The following ROBO2 variants were observed in gnomAD, a reference collection of about 807,000 sequenced individuals.
ROBO2 encodes the protein roundabout guidance receptor 2.
A neutral mutation model predicts 160.8 loss-of-function variants in ROBO2; 53 were observed. The observed-to-expected ratio is 0.33, with a 90% CI of 0.26 to 0.41. The LOEUF (loss-of-function observed/expected upper bound fraction) is 0.41, where lower values mean the gene tolerates loss of function less well. Among genes scored for constraint, ROBO2 ranks in the 10% least tolerant of loss-of-function variants. ROBO2 has a pLI of 1.00. For missense variants in ROBO2, 1,577 were observed against 1,722.4 expected (o/e 0.92, Z 1.49); for synonymous variants, 664 against 611.7 (o/e 1.09, Z -1.26).
At chr3:77,549,648 A>G (rs1347695881) in intron 7 of ROBO2, among the ~76,000 whole-genome samples, 2 of 151,980 alleles carry the variant, frequency 1.3e-5, no homozygotes, top group African/African-American at 4.8e-5. Context: ...CAATAAAGAG[A>G]AGAGCTTCTA....
At chr3:76,332,533 C>T (rs917216307) in intron 2 of ROBO2, among the ~76,000 whole-genome samples, 2 of 152,130 alleles carry the variant, frequency 1.3e-5, no homozygotes, top group African/African-American at 4.8e-5. Context: ...CATTTAGTCC[C>T]TCTGGGATTT....
At chr3:76,306,022 G>C (rs1047323976) in intron 2 of ROBO2, among the ~76,000 whole-genome samples, 17 of 152,114 alleles carry the variant, frequency 1.1e-4, no homozygotes, top group Non-Finnish European at 1.9e-4. Flanking sequence ...CACAAGACAT[G>C]TGAGTTGCAC....
intron 2 of ROBO2, among the ~76,000 whole-genome samples, chr3:76,413,865 C>G (rs1559907983): frequency 6.6e-6 from 1 of 152,178 alleles, no homozygotes; most frequent in Non-Finnish European, 1.5e-5. Flanking sequence ...ATGCCCCACT[C>G]TACTGGTACC....
intron 2 of ROBO2, among the ~76,000 whole-genome samples, chr3:76,227,932 A>G (rs2107454617): frequency 6.6e-6 from 1 of 152,328 alleles, no homozygotes; most frequent in Non-Finnish European, 1.5e-5. Flanking sequence ...ATTTCGTTTA[A>G]AGATATGATC....
chr3:77,264,529 G>T (rs905716553), intron 2 of ROBO2, among the ~76,000 whole-genome samples: 2 of 143,634 alleles, frequency 1.4e-5, no homozygotes, highest in Middle Eastern at 3.7e-3. Context: ...AACTGTACAT[G>T]TTCATAATGT....
At chr3:77,196,877 C>A (rs2082354197) in intron 2 of ROBO2, among the ~76,000 whole-genome samples, 1 of 151,084 alleles carries the variant, frequency 6.6e-6, no homozygotes, top group Admixed American at 6.6e-5. Flanking sequence ...TGGAAAATTT[C>A]ACTTATATAT....
intron 2 of ROBO2, among the ~76,000 whole-genome samples, chr3:77,032,763 C>T (rs1345362783): frequency 6.6e-6 from 1 of 152,064 alleles, no homozygotes; most frequent in Non-Finnish European, 1.5e-5. Flanking sequence ...TCCGATGGCT[C>T]AGTGTTTTCT....
At chr3:76,337,691 G>A (rs1338475571) in intron 2 of ROBO2, among the ~76,000 whole-genome samples, 3 of 152,116 alleles carry the variant, frequency 2.0e-5, no homozygotes, top group Admixed American at 2.0e-4. Context: ...AGGTGTGAAA[G>A]AAAATCTGAT....
At chr3:76,314,407 T>C (rs145931368) in intron 2 of ROBO2, among the ~76,000 whole-genome samples, 80 of 152,178 alleles carry the variant, frequency 5.3e-4, no homozygotes, top group African/African-American at 1.9e-3. Context: ...ATGTTCAATA[T>C]ATACAACAAA....
intron 6 of ROBO2, among the ~76,000 whole-genome samples, chr3:77,543,521 G>T (rs1188476456): frequency 1.3e-5 from 2 of 152,028 alleles, no homozygotes; most frequent in Non-Finnish European, 2.9e-5. Flanking sequence ...AAAGCATTTT[G>T]CAAAATCACT....
chr3:77,433,486 GTATA>G (rs57475227), intron 2 of ROBO2, among the ~76,000 whole-genome samples: 23,225 of 98,940 alleles, frequency 0.23, 3,231 homozygotes, highest in East Asian at 0.41. Flanking sequence ...CTGGCAACTT[GTATA>G]TATATATATA....
At chr3:76,396,034 G>C (rs1261651964) in intron 2 of ROBO2, among the ~76,000 whole-genome samples, 1 of 152,062 alleles carries the variant, frequency 6.6e-6, no homozygotes, top group African/African-American at 2.4e-5. Context: ...GAGAATTTTA[G>C]ACCAATAACC....
At chr3:75,950,722 C>T (rs1186715982) in intron 2 of ROBO2, among the ~76,000 whole-genome samples, 5 of 152,016 alleles carry the variant, frequency 3.3e-5, no homozygotes, top group Non-Finnish European at 7.4e-5. Flanking sequence ...CATGGATATT[C>T]TCTGGATGCT....
At chr3:77,435,349 T>C (rs1398262677) in intron 2 of ROBO2, among the ~76,000 whole-genome samples, 2 of 152,018 alleles carry the variant, frequency 1.3e-5, no homozygotes, top group East Asian at 3.8e-4. Context: ...GTATTTTATT[T>C]CATATCATAT....
intron 2 of ROBO2, among the ~76,000 whole-genome samples, chr3:76,206,804 A>G (rs1009952001): frequency 1.3e-5 from 2 of 152,120 alleles, no homozygotes; most frequent in African/African-American, 4.8e-5. Context: ...AGATTGTGAG[A>G]ATAGAGGGTA....
intron 1 of ROBO2, among the ~76,000 whole-genome samples, chr3:75,923,987 G>A (rs1947176376): frequency 6.6e-6 from 1 of 152,062 alleles, no homozygotes; most frequent in African/African-American, 2.4e-5. Flanking sequence ...AAATTTATCT[G>A]GAATATACCA....
chr3:76,038,798 G>GTA lies in ROBO2; in HGVS notation c.109+101197_109+101198insAT, dbSNP rs1559857673. ...TGTGTGTGTGTGTGTGTGTATGTATGTGTGTGTGTGTGTGTGTTTAAAGAG... is the reference window on the plus strand; with the variant it reads ...TGTGTGTGTGTGTGTGTGTATGTATGTATGTGTGTGTGTGTGTGTTTAAAGAG... On this transcript the variant is annotated intron_variant, in intron 2 of 26. Coordinates refer to the ROBO2 transcript ENST00000487694. Among the ~76,000 whole-genome samples, 5 of 39,834 alleles carry GTA rather than the reference G, an allele frequency of 1.3e-4. No individual in the cohort carries two copies. The African/African-American group carries it at 1.7e-3, about 14-fold the overall frequency. The allele number at this position is 39,834 out of a possible 152,430, so 26.1% of individuals were successfully genotyped here. A position where few individuals can be genotyped will look rare whatever the true frequency, so the allele number is the denominator to read the frequency against.
intron 2 of ROBO2, among the ~76,000 whole-genome samples, chr3:76,852,522 A>G (rs1315955453): frequency 6.6e-6 from 1 of 152,140 alleles, no homozygotes; most frequent in Non-Finnish European, 1.5e-5. Context: ...TCTCAAGGGT[A>G]ATGGATGCTT....
At chr3:77,062,042 T>C (rs1158534260) in intron 1 of ROBO2, among the ~76,000 whole-genome samples, 5 of 152,144 alleles carry the variant, frequency 3.3e-5, no homozygotes, top group Non-Finnish European at 7.4e-5. Flanking sequence ...AACCGAGAGT[T>C]TAGAGGTCTC....
Sources: gnomAD v4.1 joint callset for allele counts (sites outside exome capture counted in the v4.1 genomes callset) on GRCh38, gnomAD v4.1.1 for gene constraint, MANE v1.5 for transcripts, NCBI Gene and HGNC (gene_info 2026-07-23, HGNC 2026-07-21) for gene names.